The following ORC4 variants were observed in gnomAD, a reference collection of about 807,000 sequenced individuals.
ORC4 encodes the protein origin recognition complex subunit 4.
Under a neutral mutation model 63.9 loss-of-function variants are expected in ORC4, and 55 were observed. The ratio of observed to expected loss-of-function variants is 0.86; its 90% CI spans 0.69 to 1.08. The LOEUF (loss-of-function observed/expected upper bound fraction) is 1.08. ORC4 is among the 50% of genes least tolerant of loss of function. The pLI is 0.00. For synonymous variants in ORC4, 150 were observed against 168.5 expected, an observed-to-expected ratio of 0.89 and a Z score of 0.85; for missense variants, 511 against 504.4, an observed-to-expected ratio of 1.01 and a Z score of -0.13.
chr2:147,999,627 G>C (rs1464985593), intron 1 of ORC4, among the ~76,000 whole-genome samples: 1 of 152,128 alleles, frequency 6.6e-6, no homozygotes, highest in East Asian at 1.9e-4. Flanking sequence ...TGACCTAAAG[G>C]CAGAAGCTTG....
At chr2:147,946,353 A>C (rs1688658710) in intron 9 of ORC4, among the ~76,000 whole-genome samples, 1 of 152,054 alleles carries the variant, frequency 6.6e-6, no homozygotes, top group South Asian at 2.1e-4. Flanking sequence ...ACTACATTTG[A>C]ATCTCTAAAA....
chr2:148,001,705 C>T (rs1234167256), intron 1 of ORC4, among the ~76,000 whole-genome samples: 1 of 152,042 alleles, frequency 6.6e-6, no homozygotes, highest in Non-Finnish European at 1.5e-5. Context: ...CATCAACTAA[C>T]GGGCAAAATA....
chr2:148,002,229 T>A (rs1341866889), intron 1 of ORC4, among the ~76,000 whole-genome samples: 1 of 151,952 alleles, frequency 6.6e-6, no homozygotes, highest in Non-Finnish European at 1.5e-5. Flanking sequence ...ACAAGGACAC[T>A]CAGGACTTGA....
intron 7 of ORC4, among the ~76,000 whole-genome samples, chr2:147,952,979 T>C (rs1478543539): frequency 3.3e-5 from 5 of 150,772 alleles, no homozygotes; most frequent in Admixed American, 3.3e-4. Context: ...TGAGCCAAGA[T>C]CGTGCCACTG....
chr2:147,953,172 A>T (rs1221263755), intron 7 of ORC4, among the ~76,000 whole-genome samples: 1 of 80,262 alleles, frequency 1.2e-5, no homozygotes, highest in Non-Finnish European at 2.7e-5. Context: ...TCTGCTATTA[A>T]AAAAAAAAAA....
intron 1 of ORC4, among the ~76,000 whole-genome samples, chr2:147,977,019 AC>A (rs1473429652): frequency 1.3e-5 from 2 of 152,234 alleles, no homozygotes; most frequent in African/African-American, 2.4e-5. Context: ...TAACAGATAG[AC>A]AGTAACAGCT....
In ORC4 at chr2:147,935,405, C is replaced by T. The variant is rs745900988; in HGVS notation, c.*105G>A. The T allele has an allele frequency of 8.0e-6, 7 of 870,676 alleles. No homozygotes were observed. Among genetic ancestry groups the T allele is most frequent in the Non-Finnish European group, 1.3e-5 (7 of 525,928 alleles). The allele number at this position is 870,676 out of a possible 1,614,324, so 53.9% of individuals were successfully genotyped here. ...TAGATGGGCAAGTCTCACATAAATA[C>T]AAGAATGTTTATAGAATGTTTAGCA... On this transcript the variant is annotated 3_prime_UTR_variant, in exon 14 of 14. Coordinates refer to ENST00000392857, the MANE Select transcript of ORC4 (RefSeq NM_181741.4).
At chr2:147,949,639 A>AT (rs1207221907) in intron 8 of ORC4, among the ~76,000 whole-genome samples, 14 of 152,310 alleles carry the variant, frequency 9.2e-5, no homozygotes, top group African/African-American at 3.4e-4. Context: ...TATAACAATT[A>AT]TATTAGGGAA....
chr2:147,954,558 A>G (rs935730027), intron 7 of ORC4, among the ~76,000 whole-genome samples: 12 of 152,176 alleles, frequency 7.9e-5, no homozygotes, highest in African/African-American at 2.9e-4. Flanking sequence ...ATAATCTAAT[A>G]GGACCACTGT....
At chr2:147,966,988 A>G (rs17225430) in intron 4 of ORC4, among the ~76,000 whole-genome samples, 20,685 of 152,192 alleles carry the variant, frequency 0.14, 1,702 homozygotes, top group Middle Eastern at 0.21. Context: ...AAGATCATTC[A>G]CCATGATCAA....
At position 147,932,329 on chromosome 2, in the gene ORC4, T is replaced by G. The variant is rs968742367; in HGVS notation, c.*3181A>C. The G allele has an allele frequency of 3.9e-5, 6 of 152,132 alleles. No individual in the cohort carries two copies. Among genetic ancestry groups the G allele is most frequent in the Non-Finnish European group, 1.5e-5 (1 of 68,034 alleles). The allele number at this position is 152,132 out of a possible 1,614,324, so 9.4% of individuals were successfully genotyped here. A position where few individuals can be genotyped will look rare whatever the true frequency, so the allele number is the denominator to read the frequency against. On this transcript the variant is annotated 3_prime_UTR_variant, in exon 14 of 14. Transcript: ENST00000392857. ...GAGGATACAAACAAATGGAAGAACA[T>G]TCCATGCTCTTGGGTAGGAAGAATC...
intron 1 of ORC4, among the ~76,000 whole-genome samples, chr2:148,015,463 C>T (rs1229205769): frequency 2.0e-5 from 3 of 151,462 alleles, no homozygotes; most frequent in East Asian, 3.9e-4. Context: ...TACAGGCACC[C>T]GCCACCACGC....
At chr2:147,967,069 A>G (rs1017041291) in intron 4 of ORC4, among the ~76,000 whole-genome samples, 1 of 152,170 alleles carries the variant, frequency 6.6e-6, no homozygotes, top group Non-Finnish European at 1.5e-5. Context: ...CACCACATCA[A>G]TAGAATGGAG....
At chr2:147,935,744 G>GTC in intron 13 of ORC4, 46 bp from the exon 14 acceptor site, 2 of 1,460,554 alleles carry the variant, frequency 1.4e-6, no homozygotes, top group Non-Finnish European at 1.9e-6. Context: ...AGAGGAGAGT[G>GTC]ACAACTCTCC....
intron 13 of ORC4, chr2:147,936,225 C>G (rs564102309): frequency 6.2e-6 from 1 of 161,022 alleles, no homozygotes; most frequent in African/African-American, 2.4e-5. Flanking sequence ...AAGGATTCAG[C>G]AGGCTAGTAT....
At chr2:148,017,968 C>G (rs1459452204) in intron 1 of ORC4, among the ~76,000 whole-genome samples, 1 of 152,132 alleles carries the variant, frequency 6.6e-6, no homozygotes, top group Non-Finnish European at 1.5e-5. Context: ...AGAACAATGA[C>G]AGCCTATAAG....
chr2:147,974,913 T>C (rs1161860712), intron 2 of ORC4, among the ~76,000 whole-genome samples: 1 of 151,740 alleles, frequency 6.6e-6, no homozygotes, highest in Admixed American at 6.6e-5. Flanking sequence ...AGTCAGAAGG[T>C]TCACAAATCT....
At chr2:147,968,165 T>C (rs900567492) in intron 4 of ORC4, among the ~76,000 whole-genome samples, 2 of 152,026 alleles carry the variant, frequency 1.3e-5, no homozygotes, top group Non-Finnish European at 2.9e-5. Context: ...AAGACCTCAA[T>C]GTTAAGACCT....
At chr2:147,974,604 C>A (rs1690425890) in intron 2 of ORC4, among the ~76,000 whole-genome samples, 1 of 149,708 alleles carries the variant, frequency 6.7e-6, no homozygotes, top group East Asian at 2.0e-4. Context: ...CACTGCACTC[C>A]AGCTGGGGCA....
Sources: allele counts gnomAD v4.1 joint callset (sites outside exome capture counted in the v4.1 genomes callset), GRCh38; gene constraint gnomAD v4.1.1; transcripts MANE v1.5; gene names NCBI Gene and HGNC (gene_info 2026-07-23, HGNC 2026-07-21).